NKAIN3: variants seen among roughly 807,000 people sequenced by gnomAD.
NKAIN3 encodes the protein sodium/potassium transporting ATPase interacting 3.
A neutral mutation model predicts 30.2 loss-of-function variants in NKAIN3; 25 were observed. The ratio of observed to expected loss-of-function variants is 0.83; its 90% CI spans 0.60 to 1.16. The LOEUF is 1.16. Among genes scored for constraint, NKAIN3 ranks in the 50% most tolerant of loss-of-function variants. NKAIN3 has a pLI of 0.00. For synonymous variants in NKAIN3, 91 were observed against 89.6 expected, an observed-to-expected ratio of 1.02 and a Z score of -0.09; for missense variants, 225 against 254.1, an observed-to-expected ratio of 0.89 and a Z score of 0.78.
At chr8:62,333,799 C>A (rs1241663580) in intron 1 of NKAIN3, among the ~76,000 whole-genome samples, 1 of 152,010 alleles carries the variant, frequency 6.6e-6, no homozygotes, top group African/African-American at 2.4e-5. Flanking sequence ...TAACTAAAAG[C>A]CAAGAAAATT....
intron 1 of NKAIN3, among the ~76,000 whole-genome samples, chr8:62,416,627 C>T (rs950370897): frequency 2.0e-5 from 3 of 152,122 alleles, no homozygotes; most frequent in Non-Finnish European, 2.9e-5. Flanking sequence ...GTGAGATATC[C>T]ATCCCCTCAA....
At chr8:62,720,796 T>A (rs1815065298) in intron 3 of NKAIN3, among the ~76,000 whole-genome samples, 1 of 152,160 alleles carries the variant, frequency 6.6e-6, no homozygotes, top group African/African-American at 2.4e-5. Context: ...GAGTTGAGAA[T>A]AAGAGGGAAA....
At chr8:62,733,235 C>T (rs1293840120) in intron 3 of NKAIN3, among the ~76,000 whole-genome samples, 2 of 152,080 alleles carry the variant, frequency 1.3e-5, no homozygotes, top group Non-Finnish European at 2.9e-5. Flanking sequence ...TTTAATTCCA[C>T]CCTGTTTTTG....
chr8:62,388,369 T>G (rs577715178), intron 1 of NKAIN3, among the ~76,000 whole-genome samples: 1 of 152,230 alleles, frequency 6.6e-6, no homozygotes, highest in African/African-American at 2.4e-5. Flanking sequence ...AAGCTAATAG[T>G]TGAAGATTAT....
chr8:62,667,302 A>AAT (rs767231305), intron 3 of NKAIN3, among the ~76,000 whole-genome samples: 21 of 140,628 alleles, frequency 1.5e-4, no homozygotes, highest in African/African-American at 2.3e-4. Flanking sequence ...TATAATAAAA[A>AAT]ATATATATAT....
chr8:62,787,790 TG>T (rs1817571573), intron 4 of NKAIN3, among the ~76,000 whole-genome samples: 1 of 152,102 alleles, frequency 6.6e-6, no homozygotes, highest in Admixed American at 6.6e-5. Context: ...TTTGGTTTTT[TG>T]TCCTTGTGAT....
intron 3 of NKAIN3, among the ~76,000 whole-genome samples, chr8:62,611,372 G>T (rs1175641846): frequency 5.3e-5 from 8 of 151,998 alleles, no homozygotes; most frequent in Non-Finnish European, 7.4e-5. Flanking sequence ...ACCCTATTGT[G>T]CTATCAAGTA....
intron 3 of NKAIN3, among the ~76,000 whole-genome samples, chr8:62,637,037 A>G (rs375075599): frequency 6.6e-6 from 1 of 152,118 alleles, no homozygotes; most frequent in African/African-American, 2.4e-5. Flanking sequence ...TTTTCTGAAA[A>G]GTGGGAATCC....
intron 1 of NKAIN3, among the ~76,000 whole-genome samples, chr8:62,313,046 G>T (rs956295835): frequency 4.6e-5 from 7 of 151,936 alleles, no homozygotes; most frequent in Non-Finnish European, 8.8e-5. Context: ...AAACTCAGGT[G>T]AATAGTGAGA....
At chr8:62,318,455 T>C (rs1253820957) in intron 1 of NKAIN3, among the ~76,000 whole-genome samples, 3 of 152,224 alleles carry the variant, frequency 2.0e-5, no homozygotes, top group Non-Finnish European at 4.4e-5. Flanking sequence ...CCTCTTATTA[T>C]TTTGAGATAC....
chr8:62,302,289 G>T lies in NKAIN3; in HGVS notation c.54+53162G>T, dbSNP rs189170792. ...CTTCTACTTCCCTAAACCACATGAA[G>T]AAAAGACATTCTTTCTTCTTACCTC... On this transcript the variant is annotated intron_variant, in intron 1 of 6. Transcript: ENST00000623646. Among the ~76,000 whole-genome samples, 3 of 152,056 alleles carry T rather than the reference G, an allele frequency of 2.0e-5. No homozygotes were observed. In the East Asian group the frequency reaches 5.8e-4, roughly 29 times the overall value.
rs532720985 is a variant in NKAIN3, at chr8:62,968,589, G to A, written c.*3182G>A. Among the ~76,000 whole-genome samples the A allele has an allele frequency of 2.8e-4, 42 of 152,298 alleles. No homozygotes were observed. Among genetic ancestry groups the A allele is most frequent in the African/African-American group, 9.9e-4 (41 of 41,566 alleles). On this transcript the variant is annotated 3_prime_UTR_variant, in exon 7 of 7. Transcript: ENST00000623646. ...GATTCAATAGCTCTCCTCAGAAGTG[G>A]CCCTGGCAAAACTGAAGATAGGACA... is the stretch of plus-strand genomic sequence containing the variant.
At chr8:62,629,878 A>G (rs900011412) in intron 3 of NKAIN3, among the ~76,000 whole-genome samples, 1 of 152,020 alleles carries the variant, frequency 6.6e-6, no homozygotes, top group Non-Finnish European at 1.5e-5. Context: ...TTCATTATGG[A>G]TTTTTTAAAA....
At chr8:62,575,997 T>G (rs1241127562) in intron 1 of NKAIN3, among the ~76,000 whole-genome samples, 1 of 152,008 alleles carries the variant, frequency 6.6e-6, no homozygotes, top group Non-Finnish European at 1.5e-5. Flanking sequence ...ATCTAAGACC[T>G]CAAACTATAA....
intron 3 of NKAIN3, among the ~76,000 whole-genome samples, chr8:62,694,352 A>C (rs1312879174): frequency 6.6e-6 from 1 of 152,200 alleles, no homozygotes; most frequent in African/African-American, 2.4e-5. Context: ...ATATACATAC[A>C]ATAGGATGTC....
At position 62,855,616 on chromosome 8, in the gene NKAIN3, C is replaced by G. The variant is rs1276481380; in HGVS notation, c.472-62837C>G. The G allele has an allele frequency of 1.1e-5, 18 of 1,602,858 alleles. No homozygotes were observed. In the South Asian group the frequency reaches 1.8e-4, roughly 16 times the overall value. ...ATGTCAGGTCCACTGCTTGTTCAGT[C>G]TCCATCAAATCCAAGGCCAAGGCCT... is the stretch of plus-strand genomic sequence containing the variant. On this transcript the variant is annotated intron_variant, in intron 4 of 6. Transcript: ENST00000623646.
chr8:62,994,270 T>G (rs959649248), intron 5 of NKAIN3, among the ~76,000 whole-genome samples: 2 of 152,168 alleles, frequency 1.3e-5, no homozygotes, highest in African/African-American at 4.8e-5. Flanking sequence ...CAATGGGTCG[T>G]TATGCAGCTA....
chr8:62,478,164 T>C (rs993671384), intron 1 of NKAIN3, among the ~76,000 whole-genome samples: 7 of 151,506 alleles, frequency 4.6e-5, no homozygotes, highest in Non-Finnish European at 7.4e-5. Context: ...ATAGGAGTTA[T>C]TATTATTATT....
chr8:62,460,288 T>G (rs941602192), intron 1 of NKAIN3, among the ~76,000 whole-genome samples: 2 of 151,882 alleles, frequency 1.3e-5, no homozygotes, highest in African/African-American at 2.4e-5. Context: ...GGCAGGTGCC[T>G]GTAATCCCAG....
Sources: allele counts gnomAD v4.1 joint callset (sites outside exome capture counted in the v4.1 genomes callset), GRCh38; gene constraint gnomAD v4.1.1; transcripts MANE v1.5; gene names NCBI Gene and HGNC (gene_info 2026-07-23, HGNC 2026-07-21).